The following HVCN1 variants were observed in gnomAD, a reference collection of about 807,000 sequenced individuals.
HVCN1 encodes the protein hydrogen voltage gated channel 1.
A neutral mutation model predicts 29.2 loss-of-function variants in HVCN1; 14 were observed. That is an observed-to-expected ratio of 0.48 (90% CI 0.32 to 0.75). HVCN1 has a LOEUF of 0.75. Among genes scored for constraint, HVCN1 ranks in the 30% least tolerant of loss-of-function variants. HVCN1 has a pLI of 0.04. For synonymous variants in HVCN1, 131 were observed against 133.2 expected (o/e 0.98, Z 0.11); for missense variants, 263 against 341.8 (o/e 0.77, Z 1.82).
rs983453436 is a variant in HVCN1 at position 110,649,253 on chromosome 12, A to G, written c.*157T>C. On this transcript the variant is annotated 3_prime_UTR_variant, in exon 8 of 8. Transcript: ENST00000242607. ...AGCTCTTGGTGGTACTGGACCTTCC[A>G]CAAGGCTGTGTCCACCCAGAATCCA... 4 of 683,138 alleles carry G rather than the reference A, an allele frequency of 5.9e-6. No individual in the cohort carries two copies. Among genetic ancestry groups the G allele is most frequent in the African/African-American group, 5.4e-5 (3 of 55,926 alleles). 42.3% of individuals were successfully genotyped at this position (683,138 alleles called of 1,614,324 possible).
At chr12:110,702,249 T>C (rs2069571655) in intron 2 of HVCN1, 1 of 152,144 alleles carries the variant, frequency 6.6e-6, no homozygotes, top group African/African-American at 2.4e-5. Context: ...CCACCCCTTC[T>C]GGTCTGGGCC....
At chr12:110,683,309 C>T (rs1353307474) in intron 2 of HVCN1, 45 bp from the exon 3 acceptor site, 1 of 1,571,864 alleles carries the variant, frequency 6.4e-7, no homozygotes, top group African/African-American at 1.4e-5. Context: ...ATCTTGCTGC[C>T]ATCTGCCTTG....
upstream of HVCN1, among the ~76,000 whole-genome samples, chr12:110,694,384 T>C (rs1254183180): frequency 2.0e-5 from 3 of 152,170 alleles, no homozygotes; most frequent in Non-Finnish European, 4.4e-5. This position sits in a 1 kb window ranked among gnomAD's most constrained non-coding sequence, Gnocchi z 4.6. Context: ...TTGAGGAAGA[T>C]CTGAGTACAG....
chr12:110,687,257 AC>A (rs59009240), intron 2 of HVCN1, among the ~76,000 whole-genome samples: 7,692 of 108,878 alleles, frequency 0.071, 364 homozygotes, highest in African/African-American at 0.15. Flanking sequence ...GACAGACCAC[AC>A]CCCCCCCCCC....
chr12:110,676,461 C>A lies in HVCN1; in HGVS notation c.21+6764G>T, dbSNP rs1240511786. On this transcript the variant is annotated intron_variant, in intron 3 of 7. Coordinates refer to ENST00000242607, the MANE Select transcript of HVCN1 (RefSeq NM_032369.4). This position sits in a 1 kb window ranked among gnomAD's most constrained non-coding sequence, Gnocchi z 4.1. ...GACTTCTGGAAAATTCCCGCCATTC[C>A]CTGATAAGAGCAGCTCATTGTGCCT... 6.6e-6 allele frequency among the ~76,000 whole-genome samples: 1 copy of A among 152,194 alleles called. No individual in the cohort carries two copies. Among genetic ancestry groups the A allele is most frequent in the African/African-American group, 2.4e-5 (1 of 41,442 alleles).
chr12:110,684,596 T>A (rs1240353319), intron 2 of HVCN1, among the ~76,000 whole-genome samples: 1 of 152,138 alleles, frequency 6.6e-6, no homozygotes, highest in African/African-American at 2.4e-5. Flanking sequence ...GAAATACAGA[T>A]GCTTTTTTTT....
chr12:110,704,172 C>T (rs972118765), intron 1 of HVCN1, among the ~76,000 whole-genome samples: 20 of 152,094 alleles, frequency 1.3e-4, no homozygotes, highest in African/African-American at 4.8e-4. Context: ...CAAGGGCAAA[C>T]AACCTAAAAG....
chr12:110,682,761 C>T (rs113457537), intron 3 of HVCN1: 4 of 212,110 alleles, frequency 1.9e-5, no homozygotes, highest in Admixed American at 1.1e-4. Context: ...ATGCACTGTT[C>T]GAGACCAGCC....
Position 110,649,336 on chromosome 12 carries a change from G to A in HVCN1, c.*74C>T, listed in dbSNP as rs1015301752. ...AAACCTCTCACCAAGCGGCCCAGGA[G>A]GGGCAGCTGTTCCTCTCGTGACAGC... is the stretch of plus-strand genomic sequence containing the variant. On this transcript the variant is annotated 3_prime_UTR_variant, in exon 8 of 8. Transcript: ENST00000242607. The A allele has an allele frequency of 2.9e-5, 35 of 1,224,828 alleles. No individual in the cohort carries two copies. The Admixed American group carries it at 6.4e-4, about 22-fold the overall frequency. The allele number at this position is 1,224,828 out of a possible 1,614,324, so 75.9% of individuals were successfully genotyped here.
intron 2 of HVCN1, among the ~76,000 whole-genome samples, chr12:110,686,715 A>G (rs546650153): frequency 1.8e-4 from 28 of 152,310 alleles, no homozygotes; most frequent in Non-Finnish European, 3.8e-4. Context: ...ATAAAAACCA[A>G]TGCTTGCAGA....
intron 3 of HVCN1, among the ~76,000 whole-genome samples, chr12:110,674,292 A>AC (rs199829194): frequency 0.013 from 2,004 of 152,266 alleles, 45 homozygotes; most frequent in African/African-American, 0.045. Flanking sequence ...CAATACCTGT[A>AC]ACCCCCCTGC....
chr12:110,652,949 C>T (rs902966706), intron 5 of HVCN1, among the ~76,000 whole-genome samples: 5 of 152,116 alleles, frequency 3.3e-5, no homozygotes, highest in African/African-American at 1.2e-4. Flanking sequence ...TGGTGTGCCT[C>T]CTGAAAATGC....
chr12:110,657,943 A>T (rs1054017427), intron 4 of HVCN1, among the ~76,000 whole-genome samples: 1 of 152,140 alleles, frequency 6.6e-6, no homozygotes, highest in African/African-American at 2.4e-5. Context: ...ACATCTCTCA[A>T]TGCTGGAAGC....
chr12:110,679,904 A>G (rs2068896716), intron 3 of HVCN1, among the ~76,000 whole-genome samples: 1 of 151,036 alleles, frequency 6.6e-6, no homozygotes, highest in African/African-American at 2.4e-5. Context: ...GGGAGGTGGC[A>G]GGGGGCAGAG....
chr12:110,665,386 C>T (rs1321299343), intron 3 of HVCN1, among the ~76,000 whole-genome samples: 3 of 151,600 alleles, frequency 2.0e-5, no homozygotes, highest in Admixed American at 1.3e-4. Flanking sequence ...GGAGAAACCT[C>T]GTCTCTACTA....
chr12:110,701,586 G>T (rs1486259144), intron 2 of HVCN1, among the ~76,000 whole-genome samples: 1 of 152,190 alleles, frequency 6.6e-6, no homozygotes, highest in Admixed American at 6.5e-5. Context: ...GCTGGGCGAG[G>T]TGGCTCACGC....
chr12:110,680,993 T>A (rs1298149147), intron 3 of HVCN1, among the ~76,000 whole-genome samples: 1 of 152,184 alleles, frequency 6.6e-6, no homozygotes, highest in Non-Finnish European at 1.5e-5. Context: ...ACTATATGCG[T>A]CAGATTCGCA....
At chr12:110,675,092 A>T (rs2068702874) in intron 3 of HVCN1, among the ~76,000 whole-genome samples, 1 of 152,376 alleles carries the variant, frequency 6.6e-6, no homozygotes, top group East Asian at 1.9e-4. Context: ...ATTTCATATG[A>T]TTCAACCTAA....
intron 5 of HVCN1, among the ~76,000 whole-genome samples, chr12:110,654,004 C>T (rs1183852636): frequency 3.3e-5 from 5 of 152,076 alleles, no homozygotes; most frequent in East Asian, 3.8e-4. Flanking sequence ...AATGGCCAGA[C>T]GGAAGCGTGT....
Sources: gnomAD v4.1 joint callset for allele counts (sites outside exome capture counted in the v4.1 genomes callset) on GRCh38, gnomAD v4.1.1 for gene constraint, Gnocchi (gnomAD v3.1) non-coding constraint, MANE v1.5 for transcripts, NCBI Gene and HGNC (gene_info 2026-07-23, HGNC 2026-07-21) for gene names.